Variants in PLXDC2 observed in about 807,000 individuals in gnomAD.
PLXDC2 encodes plexin domain-containing protein 2.
A neutral mutation model predicts 68.9 loss-of-function variants in PLXDC2; 40 were observed. That is an observed-to-expected ratio of 0.58 (90% CI 0.45 to 0.76). The LOEUF is 0.76. Among genes scored for constraint, PLXDC2 ranks in the 30% least tolerant of loss-of-function variants. PLXDC2 has a pLI of 0.00. For synonymous variants in PLXDC2, 243 were observed against 234.2 expected, an observed-to-expected ratio of 1.04 and a Z score of -0.34; for missense variants, 644 against 661.9, an observed-to-expected ratio of 0.97 and a Z score of 0.30.
At chr10:19,853,569 C>A (rs1255645176) in intron 1 of PLXDC2, among the ~76,000 whole-genome samples, 1 of 150,236 alleles carries the variant, frequency 6.7e-6, no homozygotes, top group Non-Finnish European at 1.5e-5. Context: ...CCTTATTCCT[C>A]TTCTCTTTCC....
intron 9 of PLXDC2, among the ~76,000 whole-genome samples, chr10:20,194,323 C>T (rs11011855): frequency 0.47 from 70,561 of 151,104 alleles, 16,622 homozygotes; most frequent in Middle Eastern, 0.56. Context: ...AAAGTTTTTC[C>T]ACTGAAATCA....
At chr10:20,232,749 G>T (rs776770225) in intron 12 of PLXDC2, among the ~76,000 whole-genome samples, 27 of 152,136 alleles carry the variant, frequency 1.8e-4, no homozygotes, top group Non-Finnish European at 3.7e-4. Context: ...GATGACTGTA[G>T]GTGGAGACAA....
intron 1 of PLXDC2, among the ~76,000 whole-genome samples, chr10:19,940,147 A>T (rs1833794075): frequency 6.6e-6 from 1 of 151,802 alleles, no homozygotes; most frequent in Non-Finnish European, 1.5e-5. Flanking sequence ...TGGAAATGGA[A>T]GGTAGAGAAA....
chr10:19,883,310 A>G (rs1249451607), intron 1 of PLXDC2, among the ~76,000 whole-genome samples: 2 of 152,172 alleles, frequency 1.3e-5, no homozygotes, highest in Non-Finnish European at 2.9e-5. Flanking sequence ...TGCGTATTTT[A>G]TATGGAATAG....
chr10:20,007,482 A>C (rs1835045653), intron 2 of PLXDC2, among the ~76,000 whole-genome samples: 1 of 152,210 alleles, frequency 6.6e-6, no homozygotes, highest in Non-Finnish European at 1.5e-5. Context: ...TGGGACATTG[A>C]AAGTGTTTAT....
At chr10:19,883,125 T>A (rs1837764330) in intron 1 of PLXDC2, among the ~76,000 whole-genome samples, 1 of 151,780 alleles carries the variant, frequency 6.6e-6, no homozygotes, top group African/African-American at 2.4e-5. Flanking sequence ...CCCGGCTAAT[T>A]TTTTGTTTTT....
At chr10:20,103,886 G>T (rs181554583) in intron 4 of PLXDC2, among the ~76,000 whole-genome samples, 2 of 152,066 alleles carry the variant, frequency 1.3e-5, no homozygotes, top group African/African-American at 2.4e-5. Context: ...CAGGTGATCC[G>T]CCTGCCTTGG....
chr10:20,216,390 G>A (rs1345440518), intron 10 of PLXDC2, among the ~76,000 whole-genome samples: 7 of 151,992 alleles, frequency 4.6e-5, no homozygotes, highest in Non-Finnish European at 7.4e-5. Context: ...TAGATTAATG[G>A]GGCTCAGAGG....
chr10:19,947,591 T>C (rs1179657806), intron 1 of PLXDC2, among the ~76,000 whole-genome samples: 2 of 152,232 alleles, frequency 1.3e-5, no homozygotes, highest in East Asian at 3.8e-4. Context: ...AAAATTGACC[T>C]GTCTCATTGA....
chr10:20,199,926 T>C (rs1008269896), intron 9 of PLXDC2, among the ~76,000 whole-genome samples: 8 of 151,966 alleles, frequency 5.3e-5, no homozygotes, highest in Non-Finnish European at 1.2e-4. Flanking sequence ...AATTTGGTTC[T>C]TACTTTTCAC....
intron 1 of PLXDC2, among the ~76,000 whole-genome samples, chr10:19,861,159 C>G (rs1309414333): frequency 6.6e-6 from 1 of 151,966 alleles, no homozygotes; most frequent in Non-Finnish European, 1.5e-5. Flanking sequence ...CTCAGCCTCC[C>G]AAGTAGCTGA....
intron 7 of PLXDC2, among the ~76,000 whole-genome samples, chr10:20,167,416 T>C (rs1834389827): frequency 6.6e-6 from 1 of 152,282 alleles, no homozygotes; most frequent in African/African-American, 2.4e-5. Flanking sequence ...AATAAGTTGA[T>C]TCCTACAGAC....
At chr10:20,059,890 A>C (rs1836069166) in intron 3 of PLXDC2, among the ~76,000 whole-genome samples, 1 of 152,230 alleles carries the variant, frequency 6.6e-6, no homozygotes, top group Non-Finnish European at 1.5e-5. Flanking sequence ...ATCTTACTTT[A>C]GGGTATAACA....
chr10:19,859,723 T>C (rs747007121), intron 1 of PLXDC2, among the ~76,000 whole-genome samples: 22 of 152,134 alleles, frequency 1.4e-4, no homozygotes, highest in Non-Finnish European at 2.1e-4. Flanking sequence ...CTACTTTTAT[T>C]TTTACTTATT....
At chr10:19,921,404 T>C (rs922523831) in intron 1 of PLXDC2, among the ~76,000 whole-genome samples, 2 of 152,206 alleles carry the variant, frequency 1.3e-5, no homozygotes, top group African/African-American at 4.8e-5. Flanking sequence ...GTTGGCCGTC[T>C]TCCTCGTAAC....
chr10:19,978,637 T>C (rs754269087), intron 1 of PLXDC2, among the ~76,000 whole-genome samples: 6 of 152,214 alleles, frequency 3.9e-5, no homozygotes, highest in East Asian at 1.9e-4. Flanking sequence ...TTCAGAAATA[T>C]AGCAATAGCA....
At chr10:19,913,558 G>A (rs905303931) in intron 1 of PLXDC2, among the ~76,000 whole-genome samples, 4 of 152,022 alleles carry the variant, frequency 2.6e-5, no homozygotes, top group South Asian at 2.1e-4. Flanking sequence ...ACAATTATTC[G>A]TTTAGTAACT....
intron 4 of PLXDC2, among the ~76,000 whole-genome samples, chr10:20,131,651 C>T (rs1271609170): frequency 1.3e-5 from 2 of 152,156 alleles, no homozygotes; most frequent in African/African-American, 4.8e-5. Context: ...CCACCTGCCT[C>T]AGCCTCCCAA....
intron 1 of PLXDC2, among the ~76,000 whole-genome samples, chr10:19,854,408 C>G (rs531582477): frequency 1.3e-5 from 2 of 152,176 alleles, no homozygotes; most frequent in South Asian, 4.1e-4. Context: ...ATTTTGCCTC[C>G]CAGGGGCCAT....
Sources: gnomAD v4.1 joint callset for allele counts (sites outside exome capture counted in the v4.1 genomes callset) on GRCh38, gnomAD v4.1.1 for gene constraint, MANE v1.5 for transcripts, NCBI Gene and HGNC (gene_info 2026-07-23, HGNC 2026-07-21) for gene names.